Variants in YAP1 observed in about 807,000 individuals in gnomAD.
The protein encoded by YAP1 is Yes1 associated transcriptional regulator.
A neutral mutation model predicts 56.9 loss-of-function variants in YAP1; 5 were observed. The observed-to-expected ratio is 0.09, with a 90% CI of 0.05 to 0.18. The LOEUF (loss-of-function observed/expected upper bound fraction) is 0.18. YAP1 is among the 10% of genes least tolerant of loss of function. The pLI, the probability that YAP1 is intolerant of heterozygous loss-of-function variation, is 1.00. For missense variants in YAP1, 539 were observed against 651.8 expected (o/e 0.83, Z 1.88); for synonymous variants, 265 against 248.1 (o/e 1.07, Z -0.64).
chr11:102,149,614 T>G (rs1565459768), intron 2 of YAP1, among the ~76,000 whole-genome samples: 1 of 152,220 alleles, frequency 6.6e-6, no homozygotes, highest in South Asian at 2.1e-4. Flanking sequence ...AAACTTGTTA[T>G]TGCTGAGTAT....
At chr11:102,155,378 A>C (rs953304193) in intron 2 of YAP1, among the ~76,000 whole-genome samples, 2 of 152,206 alleles carry the variant, frequency 1.3e-5, no homozygotes, top group African/African-American at 4.8e-5. Flanking sequence ...AATATGTAAC[A>C]GTTAAATTGT....
intron 1 of YAP1, chr11:102,112,573 C>T: frequency 1.0e-6 from 1 of 985,236 alleles, no homozygotes; most frequent in Non-Finnish European, 1.2e-6. Flanking sequence ...TTACCGCCCC[C>T]ACTCCCATTC....
chr11:102,162,285 TA>T lies in YAP1; in HGVS notation c.573-169del, dbSNP rs1946336523. Reference sequence around the variant, plus strand: ...TCTAAGAGTTGAAAGTTGAGTGATTTAAGGGTGAAAAATGTCTGTTGCAGAG... The same window carrying T: ...TCTAAGAGTTGAAAGTTGAGTGATTTAGGGTGAAAAATGTCTGTTGCAGAG... On this transcript the variant is annotated intron_variant, in intron 2 of 8. Coordinates refer to ENST00000282441, the MANE Select transcript of YAP1 (RefSeq NM_001130145.3). Among the ~76,000 whole-genome samples the T allele has an allele frequency of 4.6e-5, 7 of 152,306 alleles. 1 individual carries two copies. Among genetic ancestry groups the T allele is most frequent in the Admixed American group, 4.6e-4 (7 of 15,302 alleles).
chr11:102,172,351 A>G (rs1946956756), intron 3 of YAP1, among the ~76,000 whole-genome samples: 1 of 103,526 alleles, frequency 9.7e-6, no homozygotes, highest in Non-Finnish European at 1.8e-5. Context: ...TTGCTCCACC[A>G]CCCAGGCTGG....
intron 6 of YAP1, among the ~76,000 whole-genome samples, chr11:102,213,960 C>T (rs1290158255): frequency 6.6e-6 from 1 of 152,160 alleles, no homozygotes; most frequent in Non-Finnish European, 1.5e-5. Flanking sequence ...CACCTGTAGT[C>T]CCAGCTACTC....
intron 4 of YAP1, among the ~76,000 whole-genome samples, chr11:102,202,310 G>A (rs1260634499): frequency 1.3e-5 from 2 of 149,854 alleles, no homozygotes; most frequent in African/African-American, 4.9e-5. Context: ...AGGTACTACA[G>A]TCACCCGCCA....
chr11:102,147,338 C>A (rs1259186341), intron 2 of YAP1, among the ~76,000 whole-genome samples: 1 of 152,126 alleles, frequency 6.6e-6, no homozygotes, highest in Non-Finnish European at 1.5e-5. Context: ...ATTCTAGTCT[C>A]TATTCTGATA....
chr11:102,164,814 C>A (rs1001390642), intron 3 of YAP1, among the ~76,000 whole-genome samples: 13 of 152,136 alleles, frequency 8.5e-5, no homozygotes, highest in Non-Finnish European at 4.4e-5. Context: ...CCTCCGCCTC[C>A]CTGGTTCAAG....
At chr11:102,223,824 T>G in intron 7 of YAP1, 72 bp downstream of exon 7, 1 of 1,574,276 alleles carries the variant, frequency 6.4e-7, no homozygotes, top group South Asian at 1.2e-5. Flanking sequence ...TTAGTGCTTG[T>G]AATAGGCTAT....
chr11:102,220,597 G>GAA, intron 6 of YAP1, among the ~76,000 whole-genome samples: 1 of 150,184 alleles, frequency 6.7e-6, no homozygotes, highest in African/African-American at 2.4e-5. Flanking sequence ...TAGGGAAGGA[G>GAA]AAAAAAAAAT....
At chr11:102,130,708 T>C (rs936244919) in intron 2 of YAP1, among the ~76,000 whole-genome samples, 18 of 143,776 alleles carry the variant, frequency 1.3e-4, no homozygotes, top group Non-Finnish European at 2.3e-4. Flanking sequence ...TGACCTCTCC[T>C]GGATAACTAC....
chr11:102,111,625 C>T (rs1262862794), intron 1 of YAP1, among the ~76,000 whole-genome samples: 1 of 152,160 alleles, frequency 6.6e-6, no homozygotes, highest in East Asian at 1.9e-4. Context: ...AGGGGGGCCT[C>T]TGGCATTTGT....
At chr11:102,217,949 C>T (rs1031552745) in intron 6 of YAP1, among the ~76,000 whole-genome samples, 4 of 152,158 alleles carry the variant, frequency 2.6e-5, no homozygotes, top group Admixed American at 1.3e-4. Context: ...GATCTGCCCA[C>T]CTCACCCTCC....
At position 102,164,540 on chromosome 11, in the gene YAP1, A is replaced by C. The variant is rs1267218596; in HGVS notation, c.688+1969A>C. Among the ~76,000 whole-genome samples the C allele has an allele frequency of 3.9e-5, 6 of 152,326 alleles. 1 individual carries two copies. The highest frequency in any genetic ancestry group is 2.9e-5 in the Non-Finnish European group (2 of 68,030). On this transcript the variant is annotated intron_variant, in intron 3 of 8. Transcript: ENST00000282441. ...GTTAATGACAGATAACATTAATTTA[A>C]ACTTTATTTTGGAAGAGTAAGTATT...
At position 102,110,869 on chromosome 11, in the gene YAP1, G is replaced by A. The variant is rs775598673; in HGVS notation, c.21G>A (p.Pro7=). 8.3e-4 allele frequency: 1,176 copies of A among 1,415,782 alleles called. 3 individuals are homozygous for A. Among genetic ancestry groups the A allele is most frequent in the Non-Finnish European group, 8.3e-4 (898 of 1,083,060 alleles). 87.7% of individuals were successfully genotyped at this position (1,415,782 alleles called of 1,614,324 possible). MDPGQQ[P]PPQPAPQGQG... ...AAGCCATGGATCCCGGGCAGCAGCC[G>A]CCGCCTCAACCGGCCCCCCAGGGCC... The change falls in exon 1 of 9, where the codon CCG becomes CCA. Residue 7 remains proline (P), a synonymous_variant. Transcript: ENST00000282441.
intron 2 of YAP1, among the ~76,000 whole-genome samples, chr11:102,135,264 A>G (rs1401465990): frequency 1.3e-5 from 2 of 152,188 alleles, no homozygotes; most frequent in African/African-American, 4.8e-5. Context: ...GTTACCTACT[A>G]CTGCATAACA....
At chr11:102,175,360 A>G (rs949949432) in intron 3 of YAP1, among the ~76,000 whole-genome samples, 3 of 152,162 alleles carry the variant, frequency 2.0e-5, no homozygotes, top group South Asian at 2.1e-4. Flanking sequence ...AGATCGCGCC[A>G]CTGCACTCCA....
At chr11:102,156,894 G>A (rs1945984248) in intron 2 of YAP1, among the ~76,000 whole-genome samples, 1 of 152,186 alleles carries the variant, frequency 6.6e-6, no homozygotes, top group African/African-American at 2.4e-5. Flanking sequence ...ATATAAACAT[G>A]TCAGCATGTC....
intron 6 of YAP1, among the ~76,000 whole-genome samples, chr11:102,214,208 C>T (rs1949555801): frequency 6.6e-6 from 1 of 152,310 alleles, no homozygotes; most frequent in South Asian, 2.1e-4. Flanking sequence ...GGGTTACTTT[C>T]ATTTCTGGGC....
Sources: allele counts gnomAD v4.1 joint callset (sites outside exome capture counted in the v4.1 genomes callset), GRCh38; gene constraint gnomAD v4.1.1; transcripts MANE v1.5; gene names NCBI Gene and HGNC (gene_info 2026-07-23, HGNC 2026-07-21).